MAP4: variants seen among roughly 807,000 people sequenced by gnomAD.
MAP4 encodes the protein microtubule-associated protein 4.
Under a neutral mutation model 170.2 loss-of-function variants are expected in MAP4, and 76 were observed. The ratio of observed to expected loss-of-function variants is 0.45; its 90% CI spans 0.37 to 0.54. The LOEUF is 0.54. Ranked by LOEUF, MAP4 falls within the 20% of genes least tolerant of loss-of-function variation. The pLI is 0.00. For synonymous variants in MAP4, 909 were observed against 994.5 expected (o/e 0.91, Z 1.62); for missense variants, 2,506 against 2,748.0 (o/e 0.91, Z 1.97).
chr3:48,040,596 T>G (rs897403229), intron 1 of MAP4, among the ~76,000 whole-genome samples: 59 of 148,934 alleles, frequency 4.0e-4, no homozygotes, highest in Middle Eastern at 3.8e-3. Flanking sequence ...AGACAGAGTC[T>G]CACTGTCACC....
chr3:47,927,866 C>T (rs930253476), intron 4 of MAP4, among the ~76,000 whole-genome samples: 11 of 152,074 alleles, frequency 7.2e-5, no homozygotes, highest in African/African-American at 2.4e-4. Context: ...TAAGAAATAC[C>T]GATAATGTGT....
Position 47,875,911 on chromosome 3 carries a change from A to G in MAP4, c.5542-11T>C, listed in dbSNP as rs1040179119. ...AGTGGTGGCCAAAGGCTTTAGGTTG[A>G]TTGTTGTTTATTTTTTATTTTTATT... On this transcript the variant is annotated splice_polypyrimidine_tract_variant and intron_variant, in intron 11 of 20. Transcript: ENST00000683076. 1.9e-6 allele frequency: 3 copies of G among 1,565,820 alleles called. No homozygotes were observed. In the African/African-American group the frequency reaches 4.2e-5, roughly 22 times the overall value.
At chr3:47,973,755 AT>A in intron 3 of MAP4, 1 of 985,472 alleles carries the variant, frequency 1.0e-6, no homozygotes, top group Non-Finnish European at 1.2e-6. Flanking sequence ...ATTTTTAAAA[AT>A]AACTACTACC....
intron 2 of MAP4, among the ~76,000 whole-genome samples, chr3:47,998,148 C>T (rs1259463847): frequency 6.6e-6 from 1 of 152,150 alleles, no homozygotes; most frequent in African/African-American, 2.4e-5. Flanking sequence ...CAGACCAATT[C>T]CCTCATGAAC....
intron 3 of MAP4, among the ~76,000 whole-genome samples, chr3:47,963,423 G>GA (rs2100072895): frequency 6.6e-6 from 1 of 152,134 alleles, no homozygotes; most frequent in African/African-American, 2.4e-5. Flanking sequence ...TACACAGCAG[G>GA]AATCTTAGCC....
chr3:47,954,427 A>G (rs2100066459), intron 3 of MAP4, among the ~76,000 whole-genome samples: 1 of 152,202 alleles, frequency 6.6e-6, no homozygotes, highest in Non-Finnish European at 1.5e-5. Context: ...AGTATTCCAC[A>G]AGCAGCCTAC....
chr3:47,923,660 G>A (rs1158668327), intron 4 of MAP4, among the ~76,000 whole-genome samples: 4 of 150,102 alleles, frequency 2.7e-5, no homozygotes, highest in Non-Finnish European at 4.4e-5. Context: ...TTCAAAAAAC[G>A]GAAAAATTAG....
chr3:48,044,467 T>A (rs2100123335), intron 1 of MAP4, among the ~76,000 whole-genome samples: 1 of 151,246 alleles, frequency 6.6e-6, no homozygotes, highest in African/African-American at 2.4e-5. Context: ...CACTCTGTAA[T>A]TTTTAAAAAA....
chr3:47,871,199 C>T, intron 14 of MAP4, 28 bp downstream of exon 14: 2 of 1,613,732 alleles, frequency 1.2e-6, no homozygotes, highest in African/African-American at 1.3e-5. Flanking sequence ...CAAGTTAGGG[C>T]TCTACAAAAT....
chr3:47,911,976 C>G lies in MAP4; in HGVS notation c.2445G>C (p.Gln815His), dbSNP rs1169052456. The change falls in exon 9 of 21, where the codon CAG (glutamine) becomes CAC (histidine). Residue 815 changes from glutamine (Q) to histidine (H), a missense_variant. Physicochemically the swap from Gln to His is conservative, Grantham distance 24 (BLOSUM62 0). Around this residue, in one of 3 missense-constraint regions of MAP4, gnomAD observed 2,008 missense variants for 2,206.0 expected, o/e 0.91. Transcript: ENST00000683076. This position sits in a 1 kb window ranked among gnomAD's most constrained non-coding sequence, Gnocchi z 4.0. ...CATATTCTGTACCCATAGTGGTAGG[C>G]TGGCTGGGGAGAACACCTGATTTTT... ...DTQKSGVLPS[Q>H]PTTMGTEYGL... 1.3e-6 allele frequency: 2 copies of G among 1,536,134 alleles called. No homozygotes were observed. The highest frequency in any genetic ancestry group is 2.0e-5 in the Admixed American group (1 of 50,990).
At chr3:48,057,695 T>A (rs922333773) in intron 1 of MAP4, among the ~76,000 whole-genome samples, 1 of 151,090 alleles carries the variant, frequency 6.6e-6, no homozygotes, top group Non-Finnish European at 1.5e-5. Context: ...CTAGCAACTG[T>A]ACTCCTAGGC....
chr3:47,973,215 C>A, intron 3 of MAP4: 2 of 981,314 alleles, frequency 2.0e-6, no homozygotes, highest in Non-Finnish European at 2.4e-6. Flanking sequence ...ATTATAAAAA[C>A]ATTATTTAAA....
intron 3 of MAP4, among the ~76,000 whole-genome samples, chr3:47,949,656 T>C (rs1352295039): frequency 6.6e-6 from 1 of 152,150 alleles, no homozygotes; most frequent in Non-Finnish European, 1.5e-5. Context: ...GATATATTAG[T>C]TATCAATTTA....
At chr3:47,988,111 G>A (rs1031150642) in intron 2 of MAP4, among the ~76,000 whole-genome samples, 2 of 151,612 alleles carry the variant, frequency 1.3e-5, no homozygotes, top group African/African-American at 2.4e-5. Context: ...GGAGAATGGC[G>A]TGAACCCGGG....
intron 4 of MAP4, among the ~76,000 whole-genome samples, chr3:47,925,344 A>G (rs1025052100): frequency 5.3e-5 from 8 of 152,162 alleles, no homozygotes; most frequent in Non-Finnish European, 7.3e-5. Flanking sequence ...AAAATTGGTC[A>G]TTCCTTTGTT....
intron 1 of MAP4, among the ~76,000 whole-genome samples, chr3:48,003,469 A>C (rs1157992338): frequency 2.6e-5 from 4 of 152,044 alleles, no homozygotes; most frequent in South Asian, 4.2e-4. Flanking sequence ...AAAAAAAAAA[A>C]AAAACATATT....
At chr3:48,012,653 C>T (rs2100105861) in intron 1 of MAP4, among the ~76,000 whole-genome samples, 1 of 152,054 alleles carries the variant, frequency 6.6e-6, no homozygotes, top group African/African-American at 2.4e-5. Context: ...CCCTCAGCAC[C>T]CCCACCCCGC....
At position 47,855,319 on chromosome 3, in the gene MAP4, T is replaced by C; in HGVS notation, c.6625A>G (p.Lys2209Glu). 1.9e-6 allele frequency: 3 copies of C among 1,614,098 alleles called. No individual in the cohort carries two copies. Among genetic ancestry groups the C allele is most frequent in the Non-Finnish European group, 2.5e-6 (3 of 1,179,950 alleles). Residue 2209 changes from lysine to glutamate, a missense_variant, in exon 19 of 21, where the codon AAG becomes GAG. Transcript: ENST00000683076. The surrounding 1 kb of genome is among the most constrained non-coding windows in gnomAD (Gnocchi z 5.1). ...CCCACCTTGGCCTGGGCCTTCTCCT[T>C]GAAGTTCAACTTCTGACTTTCAATC... ...VKIESQKLNF[K>E]EKAQAKVGSL...
chr3:48,031,976 C>T (rs937086852), intron 1 of MAP4, among the ~76,000 whole-genome samples: 1 of 152,100 alleles, frequency 6.6e-6, no homozygotes, highest in African/African-American at 2.4e-5. Context: ...AAGAGTGGCA[C>T]TTTACCTCTG....
Sources: allele counts gnomAD v4.1 joint callset (sites outside exome capture counted in the v4.1 genomes callset), GRCh38; gene constraint gnomAD v4.1.1; regional missense constraint gnomAD v4.1.1; non-coding constraint Gnocchi (gnomAD v3.1); transcripts MANE v1.5; gene names NCBI Gene and HGNC (gene_info 2026-07-23, HGNC 2026-07-21).